MARK1: variants seen among roughly 807,000 people sequenced by gnomAD.
MARK1 encodes microtubule affinity regulating kinase 1.
MARK1 carries 40 observed loss-of-function variants against 96.3 expected under a neutral mutation model. That is an observed-to-expected ratio of 0.42 (90% CI 0.32 to 0.54). The LOEUF is 0.54. MARK1 is among the 20% of genes least tolerant of loss of function. The pLI, the probability that MARK1 is intolerant of heterozygous loss-of-function variation, is 0.16. For synonymous variants in MARK1, 317 were observed against 341.2 expected, an observed-to-expected ratio of 0.93 and a Z score of 0.78; for missense variants, 719 against 984.6, an observed-to-expected ratio of 0.73 and a Z score of 3.61.
chr1:220,592,325 T>C (rs921121424), intron 3 of MARK1, among the ~76,000 whole-genome samples: 12 of 151,528 alleles, frequency 7.9e-5, no homozygotes, highest in Non-Finnish European at 1.6e-4. Flanking sequence ...CTTAAGAAAG[T>C]AAATAGCCAT....
At chr1:220,605,423 T>G (rs915835801) in intron 6 of MARK1, among the ~76,000 whole-genome samples, 2 of 152,168 alleles carry the variant, frequency 1.3e-5, no homozygotes, top group African/African-American at 4.8e-5. Flanking sequence ...TATCCTGGGA[T>G]GGAAGTTCAA....
At chr1:220,541,322 G>A (rs1271338993) in intron 1 of MARK1, among the ~76,000 whole-genome samples, 1 of 152,040 alleles carries the variant, frequency 6.6e-6, no homozygotes, top group Non-Finnish European at 1.5e-5. Flanking sequence ...AAGTTTTGCT[G>A]TTGTATTTTT....
rs1357344926 is a variant in MARK1, at chr1:220,654,296, T to C, written c.1988+944T>C. ...TTCAATGATGGGTAAGAAATAATTA[T>C]ACTTGCTTTAAGAAATACTAATTAA... On this transcript the variant is annotated intron_variant, in intron 16 of 17. Transcript: ENST00000366917. The surrounding 1 kb of genome is among the most constrained non-coding windows in gnomAD (Gnocchi z 4.0). Among the ~76,000 whole-genome samples the C allele has an allele frequency of 1.3e-5, 2 of 152,244 alleles. No individual in the cohort carries two copies. The highest frequency in any genetic ancestry group is 2.1e-4 in the South Asian group (1 of 4,832).
chr1:220,641,253 T>G (rs1312425733), intron 13 of MARK1, among the ~76,000 whole-genome samples: 1 of 152,176 alleles, frequency 6.6e-6, no homozygotes, highest in Non-Finnish European at 1.5e-5. Flanking sequence ...AAAATTCACA[T>G]GTTAAAATTC....
chr1:220,557,814 G>A (rs965727186), intron 1 of MARK1, among the ~76,000 whole-genome samples: 3 of 151,962 alleles, frequency 2.0e-5, no homozygotes, highest in Non-Finnish European at 4.4e-5. Context: ...AATCAAGTGA[G>A]ACAAAGATGC....
chr1:220,577,113 C>CA (rs200510344), intron 1 of MARK1, among the ~76,000 whole-genome samples: 1,714 of 151,828 alleles, frequency 0.011, 26 homozygotes, highest in African/African-American at 0.04. Flanking sequence ...CAAAACAAAA[C>CA]AAAAAAACAG....
intron 1 of MARK1, among the ~76,000 whole-genome samples, chr1:220,558,146 A>AATAATG (rs1662413639): frequency 7.0e-6 from 1 of 142,876 alleles, no homozygotes; most frequent in African/African-American, 2.7e-5. Flanking sequence ...TAATAATAAT[A>AATAATG]ATAATAATAA....
chr1:220,559,183 T>C (rs750095366), intron 1 of MARK1, among the ~76,000 whole-genome samples: 1 of 152,218 alleles, frequency 6.6e-6, no homozygotes, highest in East Asian at 1.9e-4. Flanking sequence ...AGAGCTCTTG[T>C]GCATGTCAAC....
Position 220,603,192 on chromosome 1 carries a change from AC to A in MARK1, c.425-874del, listed in dbSNP as rs1665854827. Among the ~76,000 whole-genome samples the A allele has an allele frequency of 4.6e-5, 7 of 152,172 alleles. No individual in the cohort carries two copies. The South Asian group carries it at 1.4e-3, about 32-fold the overall frequency. Reference sequence around the variant, plus strand: ...TCTATCTGGTACAAATTATAAGGACACAAAAATAAATTTAATCCTTATACTA... The same window carrying A: ...TCTATCTGGTACAAATTATAAGGACAAAAAATAAATTTAATCCTTATACTA... On this transcript the variant is annotated intron_variant, in intron 5 of 17. Transcript: ENST00000366917.
At chr1:220,586,073 G>A (rs1201417780) in intron 3 of MARK1, among the ~76,000 whole-genome samples, 3 of 151,964 alleles carry the variant, frequency 2.0e-5, no homozygotes. Flanking sequence ...AAGTTGTCAA[G>A]GATGCAAAAT....
intron 13 of MARK1, among the ~76,000 whole-genome samples, chr1:220,646,589 G>A (rs1280220471): frequency 2.6e-5 from 4 of 152,158 alleles, no homozygotes; most frequent in South Asian, 2.1e-4. Flanking sequence ...AAAAGGGCTC[G>A]TATAGCCAAG....
At chr1:220,656,963 G>A (rs1461098913) in intron 16 of MARK1, among the ~76,000 whole-genome samples, 5 of 151,938 alleles carry the variant, frequency 3.3e-5, no homozygotes, top group Admixed American at 6.6e-5. Flanking sequence ...TATTGCATTC[G>A]TTTTACATAA....
At chr1:220,547,350 G>A (rs755234145) in intron 1 of MARK1, among the ~76,000 whole-genome samples, 4 of 152,120 alleles carry the variant, frequency 2.6e-5, no homozygotes, top group Admixed American at 6.5e-5. Context: ...AACATCCTAC[G>A]GAAGAAAGTC....
rs143324077 is a variant in MARK1, at chr1:220,560,039, T to C, written c.52-19315T>C. Reference sequence around the variant, plus strand: ...TATGGCTGGGGAGGCCTCACAATCATGGCAGAAGGCAAAAGGTACCTCTTA... The same window carrying C: ...TATGGCTGGGGAGGCCTCACAATCACGGCAGAAGGCAAAAGGTACCTCTTA... On this transcript the variant is annotated intron_variant, in intron 1 of 17. Transcript: ENST00000366917. Among the ~76,000 whole-genome samples the C allele has an allele frequency of 1.3e-4, 20 of 152,200 alleles. No homozygotes were observed. In the East Asian group the frequency reaches 3.5e-3, roughly 26 times the overall value.
chr1:220,627,535 T>TA (rs1667420688), intron 9 of MARK1: 3 of 351,004 alleles, frequency 8.5e-6, no homozygotes. Flanking sequence ...TTTCTCTGTG[T>TA]ATTTATAGGA....
At chr1:220,627,033 T>G (rs1667383987) in intron 9 of MARK1, 1 of 541,902 alleles carries the variant, frequency 1.8e-6, no homozygotes, top group Non-Finnish European at 3.8e-6. Flanking sequence ...GATTTCAGGC[T>G]CCACATCAGT....
chr1:220,628,547 G>A (rs1667477409), intron 9 of MARK1, among the ~76,000 whole-genome samples: 1 of 151,996 alleles, frequency 6.6e-6, no homozygotes, highest in African/African-American at 2.4e-5. Context: ...CTCTTTCCTC[G>A]CCTTCCATGT....
chr1:220,627,365 A>C, intron 9 of MARK1: 1 of 488,526 alleles, frequency 2.0e-6, no homozygotes, highest in Non-Finnish European at 4.2e-6. Context: ...CCTAGATGAG[A>C]AGAGCAAAGT....
Position 220,604,074 on chromosome 1 carries a change from A to G in MARK1, c.432A>G (p.Val144=). 2 of 1,608,708 alleles carry G rather than the reference A, an allele frequency of 1.2e-6. No homozygotes were observed. Among genetic ancestry groups the G allele is most frequent in the Non-Finnish European group, 1.7e-6 (2 of 1,176,824 alleles). Residue 144 remains valine, a synonymous_variant, in exon 6 of 18, where the codon GTA becomes GTG. Transcript: ENST00000366917. ...TTTACCTTTCTGATTCAGGTGAAGTATTTGATTACTTAGTTGCCCATGGAA... is the reference window on the plus strand; with the variant it reads ...TTTACCTTTCTGATTCAGGTGAAGTGTTTGATTACTTAGTTGCCCATGGAA... ...LVMEYASGGE[V]FDYLVAHGRM... is the part of the protein sequence containing the mutation.
Sources: gnomAD v4.1 joint callset for allele counts (sites outside exome capture counted in the v4.1 genomes callset) on GRCh38, gnomAD v4.1.1 for gene constraint, Gnocchi (gnomAD v3.1) non-coding constraint, MANE v1.5 for transcripts, NCBI Gene and HGNC (gene_info 2026-07-23, HGNC 2026-07-21) for gene names.